IL1RAPL1: variants seen among roughly 807,000 people sequenced by gnomAD.
The protein encoded by IL1RAPL1 is interleukin-1 receptor accessory protein-like 1.
IL1RAPL1 carries 3 observed loss-of-function variants against 48.4 expected under a neutral mutation model. The ratio of observed to expected loss-of-function variants is 0.06; its 90% CI spans 0.03 to 0.16. The LOEUF (loss-of-function observed/expected upper bound fraction) is 0.16. Among genes scored for constraint, IL1RAPL1 ranks in the 10% least tolerant of loss-of-function variants. The pLI, the probability that IL1RAPL1 is intolerant of heterozygous loss-of-function variation, is 1.00. For synonymous variants in IL1RAPL1, 185 were observed against 187.7 expected, an observed-to-expected ratio of 0.99 and a Z score of 0.12; for missense variants, 349 against 530.6, an observed-to-expected ratio of 0.66 and a Z score of 3.36.
At chrX:29,114,487 A>C (rs1928637078) in intron 2 of IL1RAPL1, among the ~76,000 whole-genome samples, 1 of 112,048 alleles carries the variant, frequency 8.9e-6, no homozygotes, top group Non-Finnish European at 1.9e-5. Flanking sequence ...TGTCCTGATC[A>C]ATTTTTCAAG....
intron 5 of IL1RAPL1, among the ~76,000 whole-genome samples, chrX:29,437,883 T>C (rs1456014131): frequency 2.7e-5 from 3 of 110,911 alleles, no homozygotes; most frequent in African/African-American, 9.8e-5. Context: ...AGATTAATAC[T>C]AGCTTCATAA....
At chrX:29,892,132 T>C (rs935179894) in intron 6 of IL1RAPL1, among the ~76,000 whole-genome samples, 9 of 112,486 alleles carry the variant, frequency 8.0e-5, no homozygotes, top group African/African-American at 2.9e-4. Flanking sequence ...TGCCTAGATT[T>C]GGTTTCAAAT....
intron 2 of IL1RAPL1, among the ~76,000 whole-genome samples, chrX:29,248,734 A>T (rs1931558819): frequency 8.9e-6 from 1 of 112,342 alleles, no homozygotes; most frequent in Non-Finnish European, 1.9e-5. Flanking sequence ...GCCTAAATTC[A>T]GGCAAGTCAG....
intron 5 of IL1RAPL1, among the ~76,000 whole-genome samples, chrX:29,421,636 C>T (rs1293361718): frequency 9.0e-6 from 1 of 111,323 alleles, no homozygotes; most frequent in African/African-American, 3.3e-5. Context: ...CTGGGAAGGG[C>T]ATATTTTCTA....
chrX:28,693,266 G>A (rs1267562213), intron 1 of IL1RAPL1, among the ~76,000 whole-genome samples: 1 of 111,922 alleles, frequency 8.9e-6, no homozygotes, highest in Non-Finnish European at 1.9e-5. Flanking sequence ...ACTGTTCTGT[G>A]AGATTGCAAC....
intron 1 of IL1RAPL1, among the ~76,000 whole-genome samples, chrX:28,692,973 T>A (rs930633507): frequency 8.9e-6 from 1 of 112,169 alleles, no homozygotes; most frequent in African/African-American, 3.2e-5. Flanking sequence ...CAAATTGAGG[T>A]AATGGATAGG....
At chrX:28,734,890 C>T (rs1160911114) in intron 1 of IL1RAPL1, among the ~76,000 whole-genome samples, 1 of 111,502 alleles carries the variant, frequency 9.0e-6, no homozygotes, top group Admixed American at 9.6e-5. Context: ...AAGGGTTTTC[C>T]TCAAATGCAG....
intron 2 of IL1RAPL1, among the ~76,000 whole-genome samples, chrX:29,222,991 C>G (rs764184032): frequency 9.0e-6 from 1 of 110,962 alleles, no homozygotes; most frequent in South Asian, 3.8e-4. Context: ...TTCTTCATAT[C>G]TCTCATTCTC....
Position 29,319,556 on chromosome X carries a change from ATG to A in IL1RAPL1, c.362+36341_362+36342del, listed in dbSNP as rs200315987. 7.5e-3 allele frequency among the ~76,000 whole-genome samples: 766 copies of A among 101,710 alleles called. 9 individuals are homozygous for A. Among genetic ancestry groups the A allele is most frequent in the African/African-American group, 0.028 (732 of 26,571 alleles). The allele number at this position is 101,710 out of a possible 115,157, so 88.3% of individuals were successfully genotyped here. A position where few individuals can be genotyped will look rare whatever the true frequency, so the allele number is the denominator to read the frequency against. On this transcript the variant is annotated intron_variant, in intron 3 of 10. Coordinates refer to ENST00000378993, the MANE Select transcript of IL1RAPL1 (RefSeq NM_014271.4). ...TATGTATGTATGTATGTATGTATGTATGTATCTATCTATCTATCTATCCATCC... is the reference window on the plus strand; with the variant it reads ...TATGTATGTATGTATGTATGTATGTATATCTATCTATCTATCTATCCATCC...
intron 6 of IL1RAPL1, among the ~76,000 whole-genome samples, chrX:29,810,165 T>C (rs1158101168): frequency 9.3e-6 from 1 of 107,917 alleles, no homozygotes; most frequent in Non-Finnish European, 1.9e-5. Context: ...TTTCCTTTTA[T>C]GTATTATTTA....
At chrX:29,590,606 T>C (rs1476189099) in intron 5 of IL1RAPL1, among the ~76,000 whole-genome samples, 1 of 111,435 alleles carries the variant, frequency 9.0e-6, no homozygotes, top group Non-Finnish European at 1.9e-5. Flanking sequence ...GATGGCAGTG[T>C]CTCTTGCTGA....
At chrX:29,738,277 T>C (rs1321270394) in intron 6 of IL1RAPL1, among the ~76,000 whole-genome samples, 1 of 110,759 alleles carries the variant, frequency 9.0e-6, no homozygotes, top group East Asian at 2.8e-4. Flanking sequence ...TAGCAGTGGC[T>C]TCTGTGGAGC....
At chrX:29,795,470 G>T (rs770580623) in intron 6 of IL1RAPL1, among the ~76,000 whole-genome samples, 50 of 112,283 alleles carry the variant, frequency 4.5e-4, no homozygotes, top group African/African-American at 1.5e-3. Context: ...GAGTGTAGTG[G>T]CACAATCTCG....
intron 1 of IL1RAPL1, among the ~76,000 whole-genome samples, chrX:28,777,723 A>G (rs1001879366): frequency 9.0e-6 from 1 of 111,116 alleles, no homozygotes; most frequent in Non-Finnish European, 1.9e-5. Flanking sequence ...TATTGTGAAT[A>G]GTGATTAAAC....
intron 2 of IL1RAPL1, among the ~76,000 whole-genome samples, chrX:29,083,753 T>C (rs12558757): frequency 0.2 from 22,708 of 111,017 alleles, 1,988 homozygotes; most frequent in South Asian, 0.44. Context: ...CTAAAGAAAA[T>C]AAAAACCCCA....
At chrX:28,738,123 T>C (rs955505301) in intron 1 of IL1RAPL1, among the ~76,000 whole-genome samples, 10 of 111,358 alleles carry the variant, frequency 9.0e-5, no homozygotes, top group African/African-American at 3.3e-4. Context: ...TTATATACAT[T>C]TCTTTGCATG....
At chrX:28,861,805 A>G (rs1921950803) in intron 2 of IL1RAPL1, among the ~76,000 whole-genome samples, 1 of 110,842 alleles carries the variant, frequency 9.0e-6, no homozygotes, top group African/African-American at 3.3e-5. Flanking sequence ...AGGTCCCCAA[A>G]CTTTGTTTAC....
chrX:29,692,953 T>A (rs759256369), intron 6 of IL1RAPL1, among the ~76,000 whole-genome samples: 6 of 112,014 alleles, frequency 5.4e-5, no homozygotes, highest in African/African-American at 1.9e-4. Flanking sequence ...CAGAGAATAG[T>A]CCTCCAATAT....
intron 2 of IL1RAPL1, among the ~76,000 whole-genome samples, chrX:28,901,756 G>C (rs1265613035): frequency 3.6e-5 from 4 of 111,740 alleles, no homozygotes; most frequent in Non-Finnish European, 7.5e-5. Context: ...TTCATTTGCG[G>C]TATTCTCCAT....
Sources: allele counts gnomAD v4.1 joint callset (sites outside exome capture counted in the v4.1 genomes callset), GRCh38; gene constraint gnomAD v4.1.1; transcripts MANE v1.5; gene names NCBI Gene and HGNC (gene_info 2026-07-23, HGNC 2026-07-21).